The following ADK variants were observed in gnomAD, a reference collection of about 807,000 sequenced individuals.
The protein encoded by ADK is adenosine kinase.
In ADK, 24 loss-of-function variants were observed where a neutral mutation model predicts 44.7. The ratio of observed to expected loss-of-function variants is 0.54; its 90% CI spans 0.39 to 0.76. The LOEUF is 0.76. ADK is among the 30% of genes least tolerant of loss of function. ADK has a pLI of 0.00. For synonymous variants in ADK, 128 were observed against 142.6 expected, an observed-to-expected ratio of 0.90 and a Z score of 0.73; for missense variants, 321 against 425.1, an observed-to-expected ratio of 0.76 and a Z score of 2.15.
At chr10:74,668,596 C>T (rs574684674) in intron 9 of ADK, among the ~76,000 whole-genome samples, 2 of 152,158 alleles carry the variant, frequency 1.3e-5, no homozygotes, top group African/African-American at 4.8e-5. Context: ...ATTAGCTGGG[C>T]GTGATGGCAC....
At chr10:74,424,025 A>G (rs1265832230) in intron 6 of ADK, 3 of 156,478 alleles carry the variant, frequency 1.9e-5, no homozygotes, top group Admixed American at 6.5e-5. Context: ...CTACCCGTCC[A>G]GCTGTTGTGA....
At chr10:74,280,557 C>A (rs1399413647) in intron 3 of ADK, among the ~76,000 whole-genome samples, 3 of 152,128 alleles carry the variant, frequency 2.0e-5, no homozygotes, top group Admixed American at 2.0e-4. Flanking sequence ...GGGTGTTTAC[C>A]CCTATGCCCA....
At chr10:74,609,908 A>T (rs1852479510) in intron 9 of ADK, among the ~76,000 whole-genome samples, 1 of 152,086 alleles carries the variant, frequency 6.6e-6, no homozygotes, top group Non-Finnish European at 1.5e-5. Context: ...TATGGGTCAT[A>T]CCTCTTTCAG....
intron 3 of ADK, 46 bp from the exon 4 acceptor site, chr10:74,314,621 A>G (rs759919169): frequency 1.1e-5 from 14 of 1,329,534 alleles, no homozygotes; most frequent in Admixed American, 1.7e-5. Flanking sequence ...CTTTGTTGCA[A>G]CTCACAGAAG....
chr10:74,282,251 G>A (rs181509577), intron 3 of ADK, among the ~76,000 whole-genome samples: 133 of 152,220 alleles, frequency 8.7e-4, no homozygotes, highest in Non-Finnish European at 1.5e-3. Flanking sequence ...TGAACTATTT[G>A]TGGTGAACTT....
At chr10:74,352,623 C>A (rs1286397573) in intron 4 of ADK, among the ~76,000 whole-genome samples, 3 of 152,186 alleles carry the variant, frequency 2.0e-5, no homozygotes, top group Non-Finnish European at 4.4e-5. Context: ...AAACTATCAT[C>A]AGAGTGAACA....
At chr10:74,221,408 G>T (rs1260074261) in intron 2 of ADK, among the ~76,000 whole-genome samples, 1 of 151,480 alleles carries the variant, frequency 6.6e-6, no homozygotes, top group Non-Finnish European at 1.5e-5. Context: ...ATGCTCATGG[G>T]TAGGAAGAAT....
At chr10:74,492,712 T>C (rs533371793) in intron 6 of ADK, among the ~76,000 whole-genome samples, 1 of 152,314 alleles carries the variant, frequency 6.6e-6, no homozygotes, top group South Asian at 2.1e-4. Flanking sequence ...ACCTTAAGTT[T>C]TTTTTATGTT....
At chr10:74,301,877 A>C (rs1214500167) in intron 3 of ADK, among the ~76,000 whole-genome samples, 1 of 152,020 alleles carries the variant, frequency 6.6e-6, no homozygotes. Context: ...TACTAAAAAT[A>C]CTCAAATTTA....
chr10:74,177,593 G>A (rs986143947), intron 1 of ADK, among the ~76,000 whole-genome samples: 1 of 152,146 alleles, frequency 6.6e-6, no homozygotes, highest in Admixed American at 6.6e-5. Flanking sequence ...CAGTAGCCTT[G>A]ACTGAATGTT....
chr10:74,166,610 T>G (rs974355464), intron 1 of ADK, among the ~76,000 whole-genome samples: 9 of 150,082 alleles, frequency 6.0e-5, no homozygotes, highest in Non-Finnish European at 1.5e-5. Flanking sequence ...TCGCTTGAAC[T>G]TGGAAGGTGG....
chr10:74,412,002 A>G (rs1468516843), intron 6 of ADK, among the ~76,000 whole-genome samples: 1 of 152,224 alleles, frequency 6.6e-6, no homozygotes, highest in African/African-American at 2.4e-5. Context: ...ATGTGATTGC[A>G]GCAATTCAGT....
rs11001089 is a variant in ADK at position 74,633,092 on chromosome 10, A to G, written c.877+32599A>G. ...AATTTTTATGAACATGGAATGATGT[A>G]TACAATATATTGGGGATGTTTTCTT... is the stretch of plus-strand genomic sequence containing the variant. On this transcript the variant is annotated intron_variant, in intron 9 of 10. Transcript: ENST00000539909. Among the ~76,000 whole-genome samples the G allele has an allele frequency of 1.8e-3, 271 of 152,308 alleles. 4 individuals carry two copies. Among genetic ancestry groups the G allele is most frequent in the East Asian group, 0.017 (89 of 5,186 alleles).
intron 9 of ADK, among the ~76,000 whole-genome samples, chr10:74,636,384 A>C (rs1478872611): frequency 1.3e-5 from 2 of 152,200 alleles, no homozygotes; most frequent in Non-Finnish European, 2.9e-5. Context: ...TGATATGTTC[A>C]AAACAGTGGT....
chr10:74,659,656 A>G (rs1252086232), intron 9 of ADK, among the ~76,000 whole-genome samples: 2 of 152,220 alleles, frequency 1.3e-5, no homozygotes, highest in Non-Finnish European at 2.9e-5. Context: ...CACAATCACA[A>G]GGTCCCACAA....
intron 2 of ADK, among the ~76,000 whole-genome samples, chr10:74,215,688 CAG>C (rs1191235273): frequency 1.7e-5 from 2 of 120,394 alleles, no homozygotes; most frequent in Non-Finnish European, 3.4e-5. Flanking sequence ...TTTTTTAAGA[CAG>C]AGTCTTGCTC....
At chr10:74,535,195 G>A (rs187052584) in intron 7 of ADK, among the ~76,000 whole-genome samples, 5 of 152,222 alleles carry the variant, frequency 3.3e-5, no homozygotes, top group African/African-American at 7.2e-5. Flanking sequence ...GAACCATAGC[G>A]CACACCTGTA....
At chr10:74,308,728 CATACAT>C (rs1840336872) in intron 3 of ADK, among the ~76,000 whole-genome samples, 2 of 152,180 alleles carry the variant, frequency 1.3e-5, no homozygotes, top group Non-Finnish European at 2.9e-5. Flanking sequence ...TCCTATTCTT[CATACAT>C]CAATCTATAA....
intron 9 of ADK, among the ~76,000 whole-genome samples, chr10:74,624,298 C>G (rs920926978): frequency 6.6e-6 from 1 of 151,366 alleles, no homozygotes; most frequent in Non-Finnish European, 1.5e-5. Context: ...TTTGCTGAGC[C>G]TTGGCCCAGA....
Sources: gnomAD v4.1 joint callset for allele counts (sites outside exome capture counted in the v4.1 genomes callset) on GRCh38, gnomAD v4.1.1 for gene constraint, MANE v1.5 for transcripts, NCBI Gene and HGNC (gene_info 2026-07-23, HGNC 2026-07-21) for gene names.